NUMA1: variants seen among roughly 807,000 people sequenced by gnomAD.
NUMA1 encodes SP-H antigen.
In NUMA1, 62 loss-of-function variants were observed where a neutral mutation model predicts 237.1. The ratio of observed to expected loss-of-function variants is 0.26; its 90% CI spans 0.21 to 0.32. The LOEUF (loss-of-function observed/expected upper bound fraction) is 0.32, where lower values mean the gene tolerates loss of function less well. NUMA1 is among the 10% of genes least tolerant of loss of function. NUMA1 has a pLI of 1.00. For synonymous variants in NUMA1, 1,028 were observed against 1,066.1 expected (o/e 0.96, Z 0.70); for missense variants, 2,533 against 2,666.5 (o/e 0.95, Z 1.10).
At position 72,016,099 on chromosome 11, in the gene NUMA1, G is replaced by T; in HGVS notation, c.1404C>A (p.Ile468=). Residue 468 remains isoleucine (I), a synonymous_variant, in exon 15 of 27, where the codon ATC becomes ATA. Coordinates refer to ENST00000393695, the MANE Select transcript of NUMA1 (RefSeq NM_006185.4). ...EEEKQQLSSL[I]TDLQSSISNL... ...TGGAGATGGAGCTCTGCAGGTCAGT[G>T]ATCAGGCTAGACAGCTGCTGCTTTT... 1.2e-6 allele frequency: 2 copies of T among 1,614,158 alleles called. No homozygotes were observed. The highest frequency in any genetic ancestry group is 2.2e-5 in the East Asian group (1 of 44,886).
At chr11:72,012,323 C>T in intron 16 of NUMA1, 78 bp downstream of exon 16, 1 of 1,408,472 alleles carries the variant, frequency 7.1e-7, no homozygotes, top group Non-Finnish European at 1.0e-6. Context: ...CTGGCGGAGG[C>T]AAGCTGCAGC....
At chr11:72,048,730 A>G (rs565940839) in intron 2 of NUMA1, among the ~76,000 whole-genome samples, 2 of 152,144 alleles carry the variant, frequency 1.3e-5, no homozygotes, top group African/African-American at 4.8e-5. Context: ...ATTAATCACT[A>G]AAGAATTTTT....
chr11:72,008,172 GT>G (rs1211819270), intron 20 of NUMA1: 53 of 473,272 alleles, frequency 1.1e-4, no homozygotes, highest in African/African-American at 1.0e-3. Flanking sequence ...AAATGTAAGT[GT>G]TTAATAAAAA....
intron 4 of NUMA1, among the ~76,000 whole-genome samples, chr11:72,025,423 A>AG (rs1222804321): frequency 1.8e-4 from 28 of 151,998 alleles, no homozygotes; most frequent in South Asian, 8.3e-4. Context: ...AAAAAAAAAA[A>AG]AGAATACTAG....
intron 2 of NUMA1, among the ~76,000 whole-genome samples, chr11:72,069,556 G>T (rs921938341): frequency 3.3e-5 from 5 of 152,160 alleles, no homozygotes; most frequent in African/African-American, 4.8e-5. Flanking sequence ...CTCTGCAGTG[G>T]CCTCAATGGC....
At chr11:72,034,685 C>T (rs10898817) in intron 3 of NUMA1, among the ~76,000 whole-genome samples, 127,327 of 151,240 alleles carry the variant, frequency 0.84, 54,687 homozygotes, top group Non-Finnish European at 0.94. Flanking sequence ...TCCAGCCTGG[C>T]GACAGAGCAA....
chr11:72,064,833 AAAAC>A (rs1434777572), intron 2 of NUMA1, among the ~76,000 whole-genome samples: 1 of 30,602 alleles, frequency 3.3e-5, no homozygotes, highest in Admixed American at 2.2e-4. Context: ...ACCCTGTCTC[AAAAC>A]AAACAAACAA....
chr11:72,053,375 C>A (rs1169540307), intron 2 of NUMA1, among the ~76,000 whole-genome samples: 1 of 152,228 alleles, frequency 6.6e-6, no homozygotes. Context: ...TGTGTGCTCA[C>A]CGCTGAATTC....
intron 12 of NUMA1, 109 bp downstream of exon 12, chr11:72,018,074 T>C: frequency 1.0e-6 from 1 of 994,546 alleles, no homozygotes; most frequent in Non-Finnish European, 1.6e-6. Flanking sequence ...CTGGAGAGAC[T>C]GAAGCATAAG....
intron 2 of NUMA1, among the ~76,000 whole-genome samples, chr11:72,058,747 C>G (rs1451863895): frequency 1.3e-5 from 2 of 152,154 alleles, no homozygotes; most frequent in African/African-American, 4.8e-5. Context: ...GTGATAGTTA[C>G]TGTTGGTAAA....
chr11:72,029,749 T>C (rs1304875865), intron 3 of NUMA1, among the ~76,000 whole-genome samples: 1 of 152,240 alleles, frequency 6.6e-6, no homozygotes, highest in Non-Finnish European at 1.5e-5. Context: ...ATTTTTATAT[T>C]ATAGTCCTTT....
intron 1 of NUMA1, among the ~76,000 whole-genome samples, chr11:72,070,687 G>A (rs771289558): frequency 9.9e-5 from 15 of 151,960 alleles, no homozygotes; most frequent in Non-Finnish European, 1.8e-4. Flanking sequence ...GTGTGCCTGG[G>A]TCCCACCCAC....
chr11:72,006,708 C>T (rs1395246978), intron 21 of NUMA1, among the ~76,000 whole-genome samples: 2 of 152,186 alleles, frequency 1.3e-5, no homozygotes, highest in African/African-American at 2.4e-5. Context: ...CAGAACTTCC[C>T]CAACTTCTTG....
intron 4 of NUMA1, among the ~76,000 whole-genome samples, chr11:72,027,972 A>C (rs562332429): frequency 6.6e-6 from 1 of 152,332 alleles, no homozygotes; most frequent in East Asian, 1.9e-4. Context: ...TACTGTCTGG[A>C]CCAAAATAAG....
chr11:72,040,264 A>C (rs949432675), intron 2 of NUMA1, among the ~76,000 whole-genome samples: 2 of 152,124 alleles, frequency 1.3e-5, no homozygotes, highest in Admixed American at 1.3e-4. Context: ...GGAGAGGAAC[A>C]AGGGAGGGAT....
Position 72,035,893 on chromosome 11 carries a change from A to T in NUMA1, c.42+9T>A. Reference sequence around the variant, plus strand: ...AGTATAGCCAACAAAAGAGAGGAAGACTACTTACCCAAGAGAGGAGTGCAG... The same window carrying T: ...AGTATAGCCAACAAAAGAGAGGAAGTCTACTTACCCAAGAGAGGAGTGCAG... On this transcript the variant is annotated intron_variant, in intron 3 of 26. Coordinates refer to ENST00000393695, the MANE Select transcript of NUMA1 (RefSeq NM_006185.4). 1 of 1,613,812 alleles carries T rather than the reference A, an allele frequency of 6.2e-7. No individual in the cohort carries two copies. The highest frequency in any genetic ancestry group is 8.5e-7 in the Non-Finnish European group (1 of 1,179,696).
intron 3 of NUMA1, 47 bp downstream of exon 3, chr11:72,035,855 A>C (rs1476512729): frequency 1.3e-6 from 2 of 1,585,900 alleles, no homozygotes; most frequent in South Asian, 2.2e-5. Context: ...AACTCTCTCA[A>C]GCTTCCTGGA....
At chr11:72,056,151 G>A (rs543686115) in intron 2 of NUMA1, among the ~76,000 whole-genome samples, 5 of 151,826 alleles carry the variant, frequency 3.3e-5, no homozygotes, top group Admixed American at 2.0e-4. Flanking sequence ...TCTGTCTCAA[G>A]AGAAACAACA....
chr11:72,038,100 C>T (rs1458215077), intron 2 of NUMA1, among the ~76,000 whole-genome samples: 2 of 152,146 alleles, frequency 1.3e-5, no homozygotes, highest in African/African-American at 4.8e-5. Context: ...CTGAGATCAC[C>T]GCTCCCCCAT....
Sources: gnomAD v4.1 joint callset for allele counts (sites outside exome capture counted in the v4.1 genomes callset) on GRCh38, gnomAD v4.1.1 for gene constraint, MANE v1.5 for transcripts, NCBI Gene and HGNC (gene_info 2026-07-23, HGNC 2026-07-21) for gene names.